Variants in MLIP observed in about 807,000 individuals in gnomAD.
The protein encoded by MLIP is muscular LMNA interacting protein, also known as muscular LMNA-interacting protein.
Under a neutral mutation model 84.8 loss-of-function variants are expected in MLIP, and 79 were observed. That is an observed-to-expected ratio of 0.93 (90% CI 0.78 to 1.12). The LOEUF is 1.12. MLIP is among the 50% of genes most tolerant of loss of function. The pLI is 0.00. For missense variants in MLIP, 1,257 were observed against 1,160.6 expected (o/e 1.08, Z -1.21); for synonymous variants, 504 against 463.0 (o/e 1.09, Z -1.14).
At chr6:54,230,018 C>T (rs934907130) in intron 11 of MLIP, among the ~76,000 whole-genome samples, 2 of 152,186 alleles carry the variant, frequency 1.3e-5, no homozygotes, top group African/African-American at 4.8e-5. Context: ...TTCCTCAAAG[C>T]CACTCATCGT....
chr6:54,033,599 T>A (rs1391818130), intron 1 of MLIP, among the ~76,000 whole-genome samples: 1 of 152,018 alleles, frequency 6.6e-6, no homozygotes, highest in Non-Finnish European at 1.5e-5. Context: ...CCAGGACACA[T>A]AGCAAGCCAG....
At chr6:54,252,984 A>G (rs948984354) in intron 12 of MLIP, among the ~76,000 whole-genome samples, 1 of 152,102 alleles carries the variant, frequency 6.6e-6, no homozygotes, top group African/African-American at 2.4e-5. Flanking sequence ...TTAATTTTAC[A>G]AGTCGGAAAA....
intron 1 of MLIP, among the ~76,000 whole-genome samples, chr6:54,027,374 T>TACACAC (rs70980886): frequency 1.3e-5 from 2 of 148,618 alleles, no homozygotes; most frequent in African/African-American, 5.0e-5. Context: ...ATAAAAAAAA[T>TACACAC]ACACACACAC....
intron 3 of MLIP, among the ~76,000 whole-genome samples, chr6:54,129,949 C>A (rs1771245664): frequency 6.6e-6 from 1 of 152,132 alleles, no homozygotes; most frequent in South Asian, 2.1e-4. Context: ...AGGCAATGGA[C>A]AAATCCCTGA....
At chr6:54,217,270 CTT>C in intron 11 of MLIP, 1 of 985,348 alleles carries the variant, frequency 1.0e-6, no homozygotes, top group African/African-American at 1.7e-5. Context: ...AAGGAAGTGA[CTT>C]TAAAATGCCA....
At chr6:54,044,396 T>G (rs1764916235) in intron 1 of MLIP, among the ~76,000 whole-genome samples, 1 of 152,242 alleles carries the variant, frequency 6.6e-6, no homozygotes, top group Admixed American at 6.5e-5. Context: ...TCTTTTCCTG[T>G]ATAAATCCGA....
At chr6:54,252,259 A>C (rs561619465) in intron 12 of MLIP, among the ~76,000 whole-genome samples, 1,205 of 113,020 alleles carry the variant, frequency 0.011, 18 homozygotes, top group Middle Eastern at 0.038. Flanking sequence ...ATATATTATA[A>C]CATATAATAT....
chr6:54,156,615 A>G (rs1774058198), intron 5 of MLIP, among the ~76,000 whole-genome samples: 1 of 152,100 alleles, frequency 6.6e-6, no homozygotes, highest in African/African-American at 2.4e-5. Context: ...TTGTCAATTA[A>G]ATTACTCAAA....
At chr6:54,027,457 A>G (rs1004042846) in intron 1 of MLIP, among the ~76,000 whole-genome samples, 2 of 151,828 alleles carry the variant, frequency 1.3e-5, no homozygotes, top group African/African-American at 4.8e-5. Flanking sequence ...ATGTTATTTT[A>G]AAAATGGTTT....
rs185177630 is a variant in MLIP at position 54,126,606 on chromosome 6, A to G, written c.645+1741A>G. ...TTTCCTATAATAATCCACTTGAGTGAACTGTAGGTCATCATGAAATAAAAA... is the reference window on the plus strand; with the variant it reads ...TTTCCTATAATAATCCACTTGAGTGGACTGTAGGTCATCATGAAATAAAAA... On this transcript the variant is annotated intron_variant, in intron 3 of 13. Transcript: ENST00000502396. Among the ~76,000 whole-genome samples, 10 of 152,142 alleles carry G rather than the reference A, an allele frequency of 6.6e-5. No individual in the cohort carries two copies. In the East Asian group the frequency reaches 1.9e-3, roughly 29 times the overall value.
At chr6:54,055,052 T>C (rs966998176) in intron 1 of MLIP, among the ~76,000 whole-genome samples, 2 of 152,132 alleles carry the variant, frequency 1.3e-5, no homozygotes, top group Non-Finnish European at 2.9e-5. Context: ...CACGCCCAGC[T>C]ATTTTTTTGT....
At chr6:54,209,478 C>A (rs1252436209) in intron 11 of MLIP, among the ~76,000 whole-genome samples, 1 of 152,086 alleles carries the variant, frequency 6.6e-6, no homozygotes, top group Non-Finnish European at 1.5e-5. Flanking sequence ...AGAAAGAAAA[C>A]CCCAATTTTT....
intron 1 of MLIP, among the ~76,000 whole-genome samples, chr6:54,102,234 G>A (rs767804952): frequency 3.9e-5 from 6 of 152,066 alleles, no homozygotes; most frequent in African/African-American, 7.2e-5. Context: ...AGTGGACATC[G>A]TAATTCTCTT....
chr6:54,253,246 G>T (rs140539040), intron 12 of MLIP, among the ~76,000 whole-genome samples: 57 of 152,242 alleles, frequency 3.7e-4, no homozygotes, highest in African/African-American at 1.2e-3. Flanking sequence ...GGATGGTCTT[G>T]AGAAGGTTAT....
intron 4 of MLIP, among the ~76,000 whole-genome samples, chr6:54,147,976 C>T (rs1159965439): frequency 6.6e-6 from 1 of 152,174 alleles, no homozygotes; most frequent in Non-Finnish European, 1.5e-5. Context: ...TTTGATTCCT[C>T]ATGACTTCAA....
intron 3 of MLIP, among the ~76,000 whole-genome samples, chr6:54,132,370 T>C (rs1359986657): frequency 6.6e-6 from 1 of 152,100 alleles, no homozygotes; most frequent in Non-Finnish European, 1.5e-5. Context: ...TGAAATGAGA[T>C]TTCTAAGAGG....
At chr6:54,182,714 AT>A (rs1279208360) in intron 9 of MLIP, among the ~76,000 whole-genome samples, 1 of 152,052 alleles carries the variant, frequency 6.6e-6, no homozygotes, top group Non-Finnish European at 1.5e-5. Flanking sequence ...AATGTTTATC[AT>A]TTTTTACTAA....
At chr6:54,072,315 C>G (rs1358456928) in intron 1 of MLIP, among the ~76,000 whole-genome samples, 1 of 152,234 alleles carries the variant, frequency 6.6e-6, no homozygotes, top group Non-Finnish European at 1.5e-5. Context: ...TAGAACTTCT[C>G]TATCCCCAGA....
At chr6:54,264,010 G>A (rs988319130) in intron 13 of MLIP, among the ~76,000 whole-genome samples, 1 of 152,012 alleles carries the variant, frequency 6.6e-6, no homozygotes, top group Non-Finnish European at 1.5e-5. Context: ...ACTTCACAAA[G>A]TGTCTAAAAC....
Sources: allele counts gnomAD v4.1 joint callset (sites outside exome capture counted in the v4.1 genomes callset), GRCh38; gene constraint gnomAD v4.1.1; transcripts MANE v1.5; gene names NCBI Gene and HGNC (gene_info 2026-07-23, HGNC 2026-07-21).